XKR5: variants seen among roughly 807,000 people sequenced by gnomAD.
XKR5 encodes XK-related protein 5.
In XKR5, 46 loss-of-function variants were observed where a neutral mutation model predicts 40.8. That is an observed-to-expected ratio of 1.13 (90% confidence interval 0.89 to 1.44). XKR5 has a LOEUF of 1.44. Among genes scored for constraint, XKR5 ranks in the 40% most tolerant of loss-of-function variants. The pLI is 0.00. For missense variants in XKR5, 1,169 were observed against 844.7 expected (o/e 1.38, Z -4.76); for synonymous variants, 466 against 356.1 (o/e 1.31, Z -3.48).
At position 6,812,179 on chromosome 8, in the gene XKR5, G is replaced by A. The variant is rs78128087; in HGVS notation, c.1080C>T (p.Ser360=). ...ATDLAGKRTE[S]SGSCQGASYE... is the part of the protein sequence containing the mutation. ...AACTTGCCCCTTGGCATGAGCCTGA[G>A]CTCTCGGTTCTCTTCCCAGCTAGAT... is the stretch of plus-strand genomic sequence containing the variant. The change falls in exon 7 of 7, where the codon AGC becomes AGT. Residue 360 remains serine (S), a synonymous_variant. Coordinates refer to ENST00000618742, the MANE Select transcript of XKR5 (RefSeq NM_207411.5). 1.3e-6 allele frequency: 2 copies of A among 1,551,784 alleles called. No homozygotes were observed. Among genetic ancestry groups the A allele is most frequent in the East Asian group, 2.4e-5 (1 of 40,920 alleles).
At chr8:6,832,146 C>G (rs1363348167) in intron 2 of XKR5, among the ~76,000 whole-genome samples, 6 of 152,016 alleles carry the variant, frequency 3.9e-5, no homozygotes, top group African/African-American at 1.4e-4. Context: ...TCCAGGTTCT[C>G]AAAGTAGAAA....
At chr8:6,815,712 C>T in intron 6 of XKR5, 95 bp downstream of exon 6, 1 of 833,466 alleles carries the variant, frequency 1.2e-6, no homozygotes, top group South Asian at 1.6e-5. Context: ...CAGTTAACCA[C>T]ATCTGAACTC....
intron 6 of XKR5, among the ~76,000 whole-genome samples, chr8:6,815,564 G>A (rs980376600): frequency 1.3e-5 from 2 of 152,068 alleles, no homozygotes; most frequent in African/African-American, 2.4e-5. Context: ...GGGCTTTGGG[G>A]TAGAGAGGGA....
At chr8:6,818,327 C>T (rs1048283092) in intron 5 of XKR5, among the ~76,000 whole-genome samples, 1 of 152,222 alleles carries the variant, frequency 6.6e-6, no homozygotes, top group African/African-American at 2.4e-5. Context: ...AAACCCTTCC[C>T]TGACTTTCCC....
chr8:6,833,731 C>T (rs1357972057), intron 1 of XKR5, among the ~76,000 whole-genome samples: 1 of 151,984 alleles, frequency 6.6e-6, no homozygotes, highest in Non-Finnish European at 1.5e-5. Flanking sequence ...CAAAACAAAA[C>T]AGTAACCAAC....
At chr8:6,831,416 C>T (rs771916921) in intron 2 of XKR5, among the ~76,000 whole-genome samples, 39 of 152,260 alleles carry the variant, frequency 2.6e-4, no homozygotes, top group Admixed American at 8.5e-4. Context: ...TCTGAGGGTC[C>T]AGTGAAACTG....
At chr8:6,826,150 T>C (rs1404654415) in intron 2 of XKR5, among the ~76,000 whole-genome samples, 2 of 152,134 alleles carry the variant, frequency 1.3e-5, no homozygotes, top group Non-Finnish European at 2.9e-5. Context: ...TGTGTGTGTA[T>C]GTATCTGCAT....
intron 2 of XKR5, among the ~76,000 whole-genome samples, chr8:6,828,987 G>A (rs1003893450): frequency 2.0e-5 from 3 of 152,206 alleles, no homozygotes; most frequent in East Asian, 1.9e-4. Flanking sequence ...TTGCACCAGC[G>A]GCTGCAGCTT....
intron 6 of XKR5, among the ~76,000 whole-genome samples, chr8:6,814,800 C>T (rs1162018374): frequency 3.3e-5 from 5 of 152,190 alleles, no homozygotes; most frequent in Non-Finnish European, 5.9e-5. Context: ...ATGCTTGTTA[C>T]GAAGCCACAG....
chr8:6,828,149 A>G (rs752915816), intron 2 of XKR5, among the ~76,000 whole-genome samples: 1 of 152,210 alleles, frequency 6.6e-6, no homozygotes, highest in African/African-American at 2.4e-5. Context: ...AAAACATACA[A>G]ATGCGAAAAG....
chr8:6,835,345 C>T lies in XKR5; in HGVS notation c.58+91G>A, dbSNP rs576321179. 5.5e-5 allele frequency: 70 copies of T among 1,284,032 alleles called. No individual in the cohort carries two copies. In the African/African-American group the frequency reaches 8.8e-4, roughly 16 times the overall value. The allele number at this position is 1,284,032 out of a possible 1,614,324, so 79.5% of individuals were successfully genotyped here. On this transcript the variant is annotated intron_variant, in intron 1 of 6. Coordinates refer to ENST00000618742, the MANE Select transcript of XKR5 (RefSeq NM_207411.5). ...GCTGGGCGCAGGCTGGGGCAGTGCC[C>T]GCCCGGGCATAGGCAGCCTGTGCGG...
chr8:6,826,701 G>C (rs1050605143), intron 2 of XKR5, among the ~76,000 whole-genome samples: 6 of 152,172 alleles, frequency 3.9e-5, no homozygotes, highest in Admixed American at 3.3e-4. Flanking sequence ...TTGTGGTTGA[G>C]GGACTGGAAG....
At chr8:6,824,910 T>A (rs936583988) in intron 3 of XKR5, among the ~76,000 whole-genome samples, 1 of 152,160 alleles carries the variant, frequency 6.6e-6, no homozygotes, top group Non-Finnish European at 1.5e-5. Flanking sequence ...TTGAGGATAA[T>A]TTTGATTATG....
At chr8:6,834,284 G>A (rs1804902809) in intron 1 of XKR5, among the ~76,000 whole-genome samples, 1 of 152,222 alleles carries the variant, frequency 6.6e-6, no homozygotes, top group Non-Finnish European at 1.5e-5. Flanking sequence ...GGGAAACTGG[G>A]AAAACTGCCC....
Position 6,809,127 on chromosome 8 carries a change from C to CA in XKR5, c.*2070dup, listed in dbSNP as rs554444947. On this transcript the variant is annotated 3_prime_UTR_variant, in exon 7 of 7. Coordinates refer to ENST00000618742, the MANE Select transcript of XKR5 (RefSeq NM_207411.5). ...AGCTGGGGAGGGCCCAGGAAGGCACCAAGAGGAGATGTTTGAGTGGAGTCT... is the reference window on the plus strand; with the variant it reads ...AGCTGGGGAGGGCCCAGGAAGGCACCAAAGAGGAGATGTTTGAGTGGAGTCT... The CA allele has an allele frequency of 6.6e-6, 1 of 152,234 alleles. No homozygotes were observed. The highest frequency in any genetic ancestry group is 1.5e-5 in the Non-Finnish European group (1 of 68,246). 9.4% of individuals were successfully genotyped at this position (152,234 alleles called of 1,614,324 possible).
intron 6 of XKR5, among the ~76,000 whole-genome samples, chr8:6,814,615 A>T (rs563099503): frequency 4.6e-5 from 7 of 152,280 alleles, no homozygotes; most frequent in African/African-American, 1.4e-4. Context: ...CTGGGGGAAA[A>T]CCTGGTAATG....
In XKR5 at chr8:6,811,628, A is replaced by T; in HGVS notation, c.1631T>A (p.Phe544Tyr). 1 of 1,537,372 alleles carries T rather than the reference A, an allele frequency of 6.5e-7. No homozygotes were observed. Among genetic ancestry groups the T allele is most frequent in the South Asian group, 1.2e-5 (1 of 84,038 alleles). The change falls in exon 7 of 7, where the codon TTC (phenylalanine) becomes TAC (tyrosine). Residue 544 changes from phenylalanine to tyrosine, a missense_variant. Phe to Tyr is a conservative substitution (Grantham distance 22). Transcript: ENST00000618742. ...GEGQQSSTLY[F>Y]SATAEVATSS... ...TGTGGCCACTTCTGCAGTGGCGCTGAAGTACAACGTGGAACTCTGCTGTCC... is the reference window on the plus strand; with the variant it reads ...TGTGGCCACTTCTGCAGTGGCGCTGTAGTACAACGTGGAACTCTGCTGTCC...
Position 6,811,190 on chromosome 8 carries a change from G to T in XKR5, c.*8C>A. The T allele has an allele frequency of 1.3e-6, 2 of 1,531,096 alleles. No individual in the cohort carries two copies. Among genetic ancestry groups the T allele is most frequent in the South Asian group, 2.4e-5 (2 of 83,460 alleles). The allele number at this position is 1,531,096 out of a possible 1,614,324, so 94.8% of individuals were successfully genotyped here. A position where few individuals can be genotyped will look rare whatever the true frequency, so the allele number is the denominator to read the frequency against. On this transcript the variant is annotated 3_prime_UTR_variant, in exon 7 of 7. Coordinates refer to ENST00000618742, the MANE Select transcript of XKR5 (RefSeq NM_207411.5). ...TCAGCCTGTTGTCTTATCCCACCAT[G>T]ACTGTGGTCAGATGAAAAAACTCGG...
Position 6,811,600 on chromosome 8 carries a change from G to A in XKR5, c.1659C>T (p.Ser553=). 2 of 1,537,434 alleles carry A rather than the reference G, an allele frequency of 1.3e-6. No individual in the cohort carries two copies. Among genetic ancestry groups the A allele is most frequent in the South Asian group, 2.4e-5 (2 of 84,064 alleles). The change falls in exon 7 of 7, where the codon TCC becomes TCT. Residue 553 remains serine (S), a synonymous_variant. Coordinates refer to ENST00000618742, the MANE Select transcript of XKR5 (RefSeq NM_207411.5). ...YFSATAEVAT[S]SQQEGSPATL... ...TAGCTGGGCTGCCTTCTTGTTGTGA[G>A]GATGTGGCCACTTCTGCAGTGGCGC... is the stretch of plus-strand genomic sequence containing the variant.
Sources: gnomAD v4.1 joint callset for allele counts (sites outside exome capture counted in the v4.1 genomes callset) on GRCh38, gnomAD v4.1.1 for gene constraint, MANE v1.5 for transcripts, NCBI Gene and HGNC (gene_info 2026-07-23, HGNC 2026-07-21) for gene names.